BMS1: variants seen among roughly 807,000 people sequenced by gnomAD.
BMS1 encodes the protein BMS1 ribosome biogenesis factor, also known as ribosome biogenesis protein BMS1 homolog.
BMS1 carries 53 observed loss-of-function variants against 138.7 expected under a neutral mutation model. The ratio of observed to expected loss-of-function variants is 0.38; its 90% CI spans 0.31 to 0.48. The LOEUF (loss-of-function observed/expected upper bound fraction) is 0.48. Among genes scored for constraint, BMS1 ranks in the 20% least tolerant of loss-of-function variants. BMS1 has a pLI of 0.97. For synonymous variants in BMS1, 504 were observed against 539.9 expected (o/e 0.93, Z 0.92); for missense variants, 1,360 against 1,565.5 (o/e 0.87, Z 2.22).
chr10:42,809,933 GTGC>G (rs1176542847), intron 13 of BMS1, among the ~76,000 whole-genome samples: 1 of 150,490 alleles, frequency 6.6e-6, no homozygotes, highest in African/African-American at 2.4e-5. Context: ...CTACAAGTGT[GTGC>G]TATCATGTCT....
intron 13 of BMS1, among the ~76,000 whole-genome samples, chr10:42,805,229 C>T (rs1419214925): frequency 6.6e-6 from 1 of 152,032 alleles, no homozygotes; most frequent in Non-Finnish European, 1.5e-5. Flanking sequence ...TTCCCTGCAC[C>T]ATCTGCTGAA....
At chr10:42,817,595 T>C (rs1335437270) in intron 15 of BMS1, 101 bp downstream of exon 15, 50 of 1,170,262 alleles carry the variant, frequency 4.3e-5, no homozygotes, top group Non-Finnish European at 5.9e-5. Flanking sequence ...TGCTTCTGTG[T>C]ATCCTGCTTC....
rs1373627555 is a variant in BMS1, at chr10:42,797,242, A to G, written c.1987+11A>G. On this transcript the variant is annotated intron_variant, in intron 10 of 22. Coordinates refer to ENST00000374518, the MANE Select transcript of BMS1 (RefSeq NM_014753.4). The stretch of plus-strand genomic sequence containing the variant: ...CCAAAGAAACGTCAGGTAAGCTTAA[A>G]TGTAGTTGGTTGCTGCTATGAACTT... The G allele has an allele frequency of 1.3e-6, 2 of 1,597,720 alleles. No individual in the cohort carries two copies. Among genetic ancestry groups the G allele is most frequent in the Non-Finnish European group, 1.7e-6 (2 of 1,172,000 alleles).
At chr10:42,827,728 A>G (rs1842689809) in intron 21 of BMS1, among the ~76,000 whole-genome samples, 1 of 151,788 alleles carries the variant, frequency 6.6e-6, no homozygotes, top group Non-Finnish European at 1.5e-5. Flanking sequence ...GCTCTACTAG[A>G]TTTCTGCTAC....
Position 42,802,201 on chromosome 10 carries a change from A to G in BMS1, c.2312A>G (p.Lys771Arg), listed in dbSNP as rs1436844048. 1 of 1,613,462 alleles carries G rather than the reference A, an allele frequency of 6.2e-7. No individual in the cohort carries two copies. Residue 771 changes from lysine to arginine, a missense_variant, in exon 13 of 23, where the codon AAG (lysine) becomes AGG (arginine). Lys to Arg is a conservative substitution (Grantham distance 26). This residue lies in a region of BMS1 where 697 missense variants were observed against 686.2 expected (regional missense o/e 1.02). Transcript: ENST00000374518. ...TGGGAAGATGATAAAGATGCAGCCAAGGTCTTAGCAGAAGATGGTAAGTAA... is the reference window on the plus strand; with the variant it reads ...TGGGAAGATGATAAAGATGCAGCCAGGGTCTTAGCAGAAGATGGTAAGTAA... ...GKWEDDKDAA[K>R]VLAEDEELYG...
At position 42,820,848 on chromosome 10, in the gene BMS1, C is replaced by T. The variant is rs1234132569; in HGVS notation, c.2951-86C>T. ...TGGAGTATATATGTAAATCTATATC[C>T]AAATCTAAATGTCCATATCCAGTAT... On this transcript the variant is annotated intron_variant, in intron 17 of 22. Transcript: ENST00000374518. 3.1e-6 allele frequency: 4 copies of T among 1,274,980 alleles called. No homozygotes were observed. The Admixed American group carries it at 5.5e-5, about 17-fold the overall frequency. 79.0% of individuals were successfully genotyped at this position (1,274,980 alleles called of 1,614,324 possible). A position where few individuals can be genotyped will look rare whatever the true frequency, so the allele number is the denominator to read the frequency against.
At chr10:42,794,019 T>G (rs759223329) in intron 9 of BMS1, 28 bp downstream of exon 9, 3 of 1,604,866 alleles carry the variant, frequency 1.9e-6, no homozygotes, top group South Asian at 1.1e-5. Flanking sequence ...CTATTTTTAA[T>G]AAAAAGATGT....
At chr10:42,794,437 C>T (rs1841609499) in intron 9 of BMS1, among the ~76,000 whole-genome samples, 1 of 151,848 alleles carries the variant, frequency 6.6e-6, no homozygotes, top group Admixed American at 6.6e-5. Context: ...AATTATTTTC[C>T]AGTCTGGGTT....
chr10:42,814,847 T>A (rs1196624240), intron 13 of BMS1, among the ~76,000 whole-genome samples: 1 of 151,964 alleles, frequency 6.6e-6, no homozygotes, highest in Admixed American at 6.6e-5. Flanking sequence ...GTGGAGCTGG[T>A]TTTCTTGTTA....
At chr10:42,806,132 A>G (rs913288385) in intron 13 of BMS1, among the ~76,000 whole-genome samples, 3 of 152,038 alleles carry the variant, frequency 2.0e-5, no homozygotes, top group East Asian at 1.9e-4. Context: ...TTTTTCTTTT[A>G]TGCTGCTTTT....
intron 18 of BMS1, 97 bp downstream of exon 18, chr10:42,821,089 C>T (rs879273609): frequency 1.3e-4 from 128 of 1,007,414 alleles, no homozygotes; most frequent in Non-Finnish European, 1.8e-4. Context: ...GAAAATTACT[C>T]ATTTTTATTA....
At chr10:42,790,292 T>G in intron 4 of BMS1, 31 bp from the exon 5 acceptor site, 1 of 1,610,994 alleles carries the variant, frequency 6.2e-7, no homozygotes. Flanking sequence ...TTTTGGTAGT[T>G]TCTTTGAGAA....
intron 13 of BMS1, among the ~76,000 whole-genome samples, chr10:42,805,227 A>G (rs1166494538): frequency 6.6e-6 from 1 of 152,072 alleles, no homozygotes; most frequent in Non-Finnish European, 1.5e-5. Context: ...TTTTCCCTGC[A>G]CCATCTGCTG....
intron 5 of BMS1, among the ~76,000 whole-genome samples, chr10:42,791,020 G>A (rs1227271289): frequency 6.6e-6 from 1 of 151,760 alleles, no homozygotes; most frequent in Non-Finnish European, 1.5e-5. Context: ...CCTCTGGCCT[G>A]CTGAATTCTT....
chr10:42,786,226 A>G (rs762979701), intron 3 of BMS1, among the ~76,000 whole-genome samples: 1 of 152,218 alleles, frequency 6.6e-6, no homozygotes, highest in Non-Finnish European at 1.5e-5. Flanking sequence ...TTATGAAGCC[A>G]CATTCTGGTG....
In BMS1 at chr10:42,817,844, C is replaced by T. The variant is rs1341587815; in HGVS notation, c.2580+350C>T. The stretch of plus-strand genomic sequence containing the variant: ...GCAAGCATTGGCGGCCTATTCCAAT[C>T]GCTGCTCCCTGATTTGAATGGCAGG... On this transcript the variant is annotated intron_variant, in intron 15 of 22. Coordinates refer to ENST00000374518, the MANE Select transcript of BMS1 (RefSeq NM_014753.4). Among the ~76,000 whole-genome samples the T allele has an allele frequency of 3.9e-5, 6 of 152,328 alleles. No individual in the cohort carries two copies. In the East Asian group the frequency reaches 7.7e-4, roughly 20 times the overall value.
intron 13 of BMS1, among the ~76,000 whole-genome samples, chr10:42,804,372 G>T: frequency 6.6e-6 from 1 of 152,096 alleles, no homozygotes; most frequent in East Asian, 1.9e-4. Flanking sequence ...GCAACTTCCG[G>T]TTGCTTCACT....
At chr10:42,805,340 T>C (rs1841983355) in intron 13 of BMS1, among the ~76,000 whole-genome samples, 1 of 152,208 alleles carries the variant, frequency 6.6e-6, no homozygotes, top group Admixed American at 6.5e-5. Flanking sequence ...ATTTGTTTAT[T>C]TTTGTACCAA....
intron 2 of BMS1, among the ~76,000 whole-genome samples, chr10:42,784,918 CAT>C (rs1841278212): frequency 6.6e-6 from 1 of 152,160 alleles, no homozygotes; most frequent in Non-Finnish European, 1.5e-5. Context: ...TTAATACTAA[CAT>C]AGCTTTATTT....
Sources: gnomAD v4.1 joint callset for allele counts (sites outside exome capture counted in the v4.1 genomes callset) on GRCh38, gnomAD v4.1.1 for gene constraint, gnomAD v4.1.1 regional missense constraint, MANE v1.5 for transcripts, NCBI Gene and HGNC (gene_info 2026-07-23, HGNC 2026-07-21) for gene names.